The following MTRF1L variants were observed in gnomAD, a reference collection of about 807,000 sequenced individuals.
The protein encoded by MTRF1L is peptide chain release factor 1-like, mitochondrial.
A neutral mutation model predicts 40.0 loss-of-function variants in MTRF1L; 29 were observed. The observed-to-expected ratio is 0.73, with a 90% CI of 0.54 to 0.99. The LOEUF (loss-of-function observed/expected upper bound fraction) is 0.99. MTRF1L is among the 50% of genes least tolerant of loss of function. MTRF1L has a pLI of 0.00. For missense variants in MTRF1L, 412 were observed against 464.5 expected, an observed-to-expected ratio of 0.89 and a Z score of 1.04; for synonymous variants, 150 against 175.8, an observed-to-expected ratio of 0.85 and a Z score of 1.16.
At chr6:152,991,033 G>C in intron 6 of MTRF1L, 152 bp downstream of exon 6, 1 of 493,496 alleles carries the variant, frequency 2.0e-6, no homozygotes, top group Non-Finnish European at 3.5e-6. Context: ...AGAGATGTAA[G>C]ATTACTATCA....
chr6:152,991,535 CAA>C (rs1441766682), intron 5 of MTRF1L: 9 of 433,046 alleles, frequency 2.1e-5, no homozygotes, highest in East Asian at 1.0e-4. Flanking sequence ...ACAAATAGCA[CAA>C]AGTCTTTCTT....
rs1190903727 is a variant in MTRF1L at position 153,002,414 on chromosome 6, G to A, written c.259+13C>T. ...ATGTGCTCTGACGCCTCTCCCCCGG[G>A]CCCGACCCTTACCGTGCAGCAAGTG... On this transcript the variant is annotated intron_variant, in intron 1 of 6. Transcript: ENST00000367233. The A allele has an allele frequency of 2.5e-6, 4 of 1,613,790 alleles. No individual in the cohort carries two copies. The Middle Eastern group carries it at 4.9e-4, about 199-fold the overall frequency.
chr6:152,998,547 T>A lies in MTRF1L; in HGVS notation c.339+3A>T, dbSNP rs375120111. The A allele has an allele frequency of 1.3e-6, 2 of 1,577,326 alleles. No individual in the cohort carries two copies. Among genetic ancestry groups the A allele is most frequent in the Admixed American group, 3.7e-5 (2 of 53,434 alleles). ...TGCTTTATTCTTTGCAGAAATACCA[T>A]ACCTGATGCTTCAGCTGAGTTATTT... On this transcript the variant is annotated splice_donor_region_variant and intron_variant, in intron 2 of 6. Coordinates refer to ENST00000367233, the MANE Select transcript of MTRF1L (RefSeq NM_019041.7).
chr6:152,998,584 A>G lies in MTRF1L; in HGVS notation c.305T>C (p.Leu102Ser). The G allele has an allele frequency of 1.3e-6, 2 of 1,598,306 alleles. No individual in the cohort carries two copies. Among genetic ancestry groups the G allele is most frequent in the Non-Finnish European group, 1.7e-6 (2 of 1,174,422 alleles). ...LRKLAENEITLCQKEITQLKH... is the reference protein window; with the variant it reads ...LRKLAENEITSCQKEITQLKH... ...CAGCTGAGTTATTTCTTTTTGACAC[A>G]AAGTGATTTCATTCTCTGCAAGTTT... Residue 102 changes from leucine (L) to serine (S), a missense_variant, in exon 2 of 7, where the codon TTG becomes TCG. Coordinates refer to ENST00000367233, the MANE Select transcript of MTRF1L (RefSeq NM_019041.7).
At chr6:152,997,002 A>G (rs1584102415) in intron 2 of MTRF1L, among the ~76,000 whole-genome samples, 1 of 152,208 alleles carries the variant, frequency 6.6e-6, no homozygotes, top group Non-Finnish European at 1.5e-5. Context: ...AAAGAGCCCC[A>G]TCAGAGCAAT....
chr6:152,994,615 A>G lies in MTRF1L; in HGVS notation c.585T>C (p.Phe195=). 2 of 1,614,058 alleles carry G rather than the reference A, an allele frequency of 1.2e-6. No homozygotes were observed. The highest frequency in any genetic ancestry group is 1.7e-6 in the Non-Finnish European group (2 of 1,180,014). ...GGSEAYRHMK[F]EGGVHRVQRV... The stretch of plus-strand genomic sequence containing the variant: ...TTTGTACTCTGTGAACACCTCCTTC[A>G]AATTTCATGTGCCTATAGGCTTCTG... The change falls in exon 4 of 7, where the codon TTT becomes TTC. Residue 195 remains phenylalanine (F), a synonymous_variant. Coordinates refer to ENST00000367233, the MANE Select transcript of MTRF1L (RefSeq NM_019041.7).
At chr6:152,998,341 G>A in intron 2 of MTRF1L, 1 of 331,596 alleles carries the variant, frequency 3.0e-6, no homozygotes, top group Non-Finnish European at 5.4e-6. Context: ...ATTTCAAAAT[G>A]TATGCATATA....
rs148906746 is a variant in MTRF1L, at chr6:152,995,118, A to G, written c.523+18T>C. Reference sequence around the variant, plus strand: ...TTCCTAAACACTTTACCTGAAACAAAATGAATAGTTTACTGACCTAGTTCA... The same window carrying G: ...TTCCTAAACACTTTACCTGAAACAAGATGAATAGTTTACTGACCTAGTTCA... On this transcript the variant is annotated intron_variant, in intron 3 of 6. Coordinates refer to ENST00000367233, the MANE Select transcript of MTRF1L (RefSeq NM_019041.7). 4.6e-4 allele frequency: 725 copies of G among 1,581,626 alleles called. 4 individuals are homozygous for G. The Middle Eastern group carries it at 6.1e-3, about 13-fold the overall frequency.
In MTRF1L at chr6:152,992,888, G is replaced by A. The variant is rs141301101; in HGVS notation, c.774C>T (p.Asp258=). The A allele has an allele frequency of 1.0e-4, 164 of 1,612,186 alleles. No homozygotes were observed. The highest frequency in any genetic ancestry group is 8.8e-4 in the Middle Eastern group (4 of 4,552). The part of the protein sequence containing the change: ...GAGGQHVNTT[D]SAVRIVHLPT... ...GAAGATGAACTATCCGGACAGCACT[G>A]TCCGTGGTATTTACATGCTGCCCCC... is the stretch of plus-strand genomic sequence containing the variant. Residue 258 remains aspartate, a synonymous_variant, in exon 5 of 7, where the codon GAC becomes GAT. Coordinates refer to ENST00000367233, the MANE Select transcript of MTRF1L (RefSeq NM_019041.7).
In MTRF1L at chr6:152,990,350, G is replaced by C. The variant is rs181022404; in HGVS notation, c.943-255C>G. 1.9e-4 allele frequency: 91 copies of C among 486,062 alleles called. 1 individual carries two copies. Among genetic ancestry groups the C allele is most frequent in the African/African-American group, 1.6e-3 (81 of 51,454 alleles). 30.1% of individuals were successfully genotyped at this position (486,062 alleles called of 1,614,324 possible). A position where few individuals can be genotyped will look rare whatever the true frequency, so the allele number is the denominator to read the frequency against. ...ATGACCTCGGGCAACTTAGTTTCCC[G>C]ATCTGCAAAATACAGTGTCTACTAC... On this transcript the variant is annotated intron_variant, in intron 6 of 6. Transcript: ENST00000367233.
chr6:153,000,834 GGTT>G (rs1723809507), intron 1 of MTRF1L, among the ~76,000 whole-genome samples: 1 of 148,886 alleles, frequency 6.7e-6, no homozygotes, highest in South Asian at 2.1e-4. Context: ...GAGCTGAAAA[GGTT>G]GTTTTACCTT....
chr6:152,989,883 T>A lies in MTRF1L; in HGVS notation c.*12A>T. ...TTTCTAAGCTACGAAAGTCTATAAA[T>A]AACAAATCAACTTAAACTTTTTGGG... On this transcript the variant is annotated 3_prime_UTR_variant, in exon 7 of 7. Transcript: ENST00000367233. The A allele has an allele frequency of 6.2e-7, 1 of 1,603,830 alleles. No individual in the cohort carries two copies. Among genetic ancestry groups the A allele is most frequent in the Non-Finnish European group, 8.5e-7 (1 of 1,176,672 alleles).
At chr6:153,000,160 A>G (rs1778860778) in intron 1 of MTRF1L, among the ~76,000 whole-genome samples, 1 of 152,238 alleles carries the variant, frequency 6.6e-6, no homozygotes, top group Non-Finnish European at 1.5e-5. Flanking sequence ...TATGACAAGA[A>G]TGAAATGAAA....
chr6:153,002,516 A>C lies in MTRF1L; in HGVS notation c.170T>G (p.Leu57Trp). Residue 57 changes from leucine (L) to tryptophan (W), a missense_variant, in exon 1 of 7, where the codon TTG (leucine) becomes TGG (tryptophan). Transcript: ENST00000367233. ...LERQAGSEAHLKVRRPELLAV... is the reference protein window; with the variant it reads ...LERQAGSEAHWKVRRPELLAV... ...CAGCAACTCGGGCCTCCTGACCTTC[A>C]AATGGGCTTCAGACCCCGCCTGGCG... 1 of 1,612,182 alleles carries C rather than the reference A, an allele frequency of 6.2e-7. No homozygotes were observed. The highest frequency in any genetic ancestry group is 2.2e-5 in the East Asian group (1 of 44,824).
rs1295244984 is a variant in MTRF1L, at chr6:152,989,842, G to A, written c.*53C>T. On this transcript the variant is annotated 3_prime_UTR_variant, in exon 7 of 7. Coordinates refer to ENST00000367233, the MANE Select transcript of MTRF1L (RefSeq NM_019041.7). ...AGTAAGGGTACTTTCACCCTATGTG[G>A]ATGTACTGTAGAATTTTTCTAAGCT... The A allele has an allele frequency of 5.9e-6, 9 of 1,532,304 alleles. No homozygotes were observed. In the African/African-American group the frequency reaches 7.0e-5, roughly 12 times the overall value. The allele number at this position is 1,532,304 out of a possible 1,614,324, so 94.9% of individuals were successfully genotyped here.
chr6:153,002,419 A>C lies in MTRF1L; in HGVS notation c.259+8T>G, dbSNP rs1778955289. The C allele has an allele frequency of 1.4e-5, 23 of 1,613,854 alleles. No individual in the cohort carries two copies. Among genetic ancestry groups the C allele is most frequent in the Non-Finnish European group, 1.4e-5 (17 of 1,179,842 alleles). On this transcript the variant is annotated splice_region_variant and intron_variant, in intron 1 of 6. Coordinates refer to ENST00000367233, the MANE Select transcript of MTRF1L (RefSeq NM_019041.7). ...CTCTGACGCCTCTCCCCCGGGCCCG[A>C]CCCTTACCGTGCAGCAAGTGCTCAG...
rs1239054798 is a variant in MTRF1L, at chr6:152,988,231, T to A, written c.*1664A>T. 1 of 78,070 alleles carries A rather than the reference T, an allele frequency of 1.3e-5. No homozygotes were observed. Among genetic ancestry groups the A allele is most frequent in the Non-Finnish European group, 2.3e-5 (1 of 44,420 alleles). 4.8% of individuals were successfully genotyped at this position (78,070 alleles called of 1,614,324 possible). On this transcript the variant is annotated 3_prime_UTR_variant, in exon 7 of 7. Coordinates refer to ENST00000367233, the MANE Select transcript of MTRF1L (RefSeq NM_019041.7). ...CCCGAAACCTCTTTTATTATGGGCC[T>A]TCATCCCAGTCCTAAGAGAATCCCT... is the stretch of plus-strand genomic sequence containing the variant.
rs562799342 is a variant in MTRF1L at position 152,987,443 on chromosome 6, C to T, written c.*2452G>A. ...TTTACATTGTTGAGCAAAGGAGTGA[C>T]GAGATCAGTCTTGCTTTTTAGAAAG... is the stretch of plus-strand genomic sequence containing the variant. On this transcript the variant is annotated 3_prime_UTR_variant, in exon 7 of 7. Coordinates refer to ENST00000367233, the MANE Select transcript of MTRF1L (RefSeq NM_019041.7). 10 of 152,184 alleles carry T rather than the reference C, an allele frequency of 6.6e-5. No homozygotes were observed. Among genetic ancestry groups the T allele is most frequent in the East Asian group, 5.8e-4 (3 of 5,180 alleles). The allele number at this position is 152,184 out of a possible 1,614,324, so 9.4% of individuals were successfully genotyped here.
intron 2 of MTRF1L, 126 bp from the exon 3 acceptor site, chr6:152,995,445 A>C: frequency 2.5e-6 from 2 of 791,920 alleles, no homozygotes; most frequent in East Asian, 2.8e-5. Context: ...AATATTGCTG[A>C]GTACTGTTCA....
Sources: allele counts gnomAD v4.1 joint callset (sites outside exome capture counted in the v4.1 genomes callset), GRCh38; gene constraint gnomAD v4.1.1; transcripts MANE v1.5; gene names NCBI Gene and HGNC (gene_info 2026-07-23, HGNC 2026-07-21).